PDE10A: variants seen among roughly 807,000 people sequenced by gnomAD.
PDE10A encodes the protein cAMP and cAMP-inhibited cGMP 3',5'-cyclic phosphodiesterase 10A.
Under a neutral mutation model 97.7 loss-of-function variants are expected in PDE10A, and 39 were observed. The ratio of observed to expected loss-of-function variants is 0.40; its 90% CI spans 0.31 to 0.52. PDE10A has a LOEUF of 0.52. PDE10A is among the 20% of genes least tolerant of loss of function. The pLI is 0.56. For synonymous variants in PDE10A, 371 were observed against 376.8 expected, an observed-to-expected ratio of 0.98 and a Z score of 0.18; for missense variants, 731 against 1,047.8, an observed-to-expected ratio of 0.70 and a Z score of 4.17.
chr6:165,950,174 T>C (rs1783908931), intron 1 of PDE10A, among the ~76,000 whole-genome samples: 1 of 152,186 alleles, frequency 6.6e-6, no homozygotes, highest in Non-Finnish European at 1.5e-5. Context: ...ATTTTAAATG[T>C]TTAAAATAAA....
intron 13 of PDE10A, among the ~76,000 whole-genome samples, chr6:165,404,933 T>A (rs1787002366): frequency 6.6e-6 from 1 of 152,132 alleles, no homozygotes; most frequent in Admixed American, 6.6e-5. Context: ...GACCTAATCG[T>A]GGGTGGAAGT....
At chr6:165,739,825 C>A (rs1203893349) in intron 1 of PDE10A, among the ~76,000 whole-genome samples, 1 of 152,152 alleles carries the variant, frequency 6.6e-6, no homozygotes, top group Non-Finnish European at 1.5e-5. Flanking sequence ...ATAGACATTT[C>A]TCAGAAGACA....
chr6:165,395,449 T>C (rs1562419253), intron 14 of PDE10A, among the ~76,000 whole-genome samples, 185 bp from the exon 15 acceptor site: 3 of 152,190 alleles, frequency 2.0e-5, no homozygotes, highest in Non-Finnish European at 1.5e-5. Context: ...CTAAACATAT[T>C]GCCTTAGAAA....
intron 4 of PDE10A, 44 bp from the exon 5 acceptor site, chr6:165,449,021 G>A (rs759858048): frequency 1.4e-6 from 2 of 1,436,098 alleles, no homozygotes; most frequent in South Asian, 2.3e-5. Flanking sequence ...CTCAGTGGGA[G>A]AATCTAACAT....
chr6:165,974,773 C>A (rs1205679603), intron 1 of PDE10A, among the ~76,000 whole-genome samples: 2 of 152,140 alleles, frequency 1.3e-5, no homozygotes, highest in Admixed American at 6.5e-5. Flanking sequence ...GAAACATTGG[C>A]AAGTTCCCTA....
intron 1 of PDE10A, among the ~76,000 whole-genome samples, chr6:165,943,795 T>C (rs752895707): frequency 6.6e-6 from 1 of 152,198 alleles, no homozygotes; most frequent in African/African-American, 2.4e-5. Flanking sequence ...GAAATAGTGA[T>C]TTTCCAGCAA....
chr6:165,975,641 T>C (rs891601108), intron 1 of PDE10A, among the ~76,000 whole-genome samples: 4 of 152,196 alleles, frequency 2.6e-5, no homozygotes, highest in Non-Finnish European at 5.9e-5. Flanking sequence ...AAATAAGAAA[T>C]TATCAGATGA....
chr6:165,933,070 A>T (rs1783192881), intron 1 of PDE10A, among the ~76,000 whole-genome samples: 1 of 152,214 alleles, frequency 6.6e-6, no homozygotes, highest in African/African-American at 2.4e-5. Context: ...GTTTGTGGAT[A>T]TGAAGACATT....
chr6:165,487,091 T>G (rs1779966449), intron 2 of PDE10A, among the ~76,000 whole-genome samples: 1 of 152,346 alleles, frequency 6.6e-6, no homozygotes, highest in Middle Eastern at 3.4e-3. Flanking sequence ...AAACTGACTC[T>G]CTGTGCTAGA....
intron 1 of PDE10A, among the ~76,000 whole-genome samples, chr6:165,740,140 T>C (rs374994573): frequency 2.0e-5 from 3 of 152,126 alleles, no homozygotes; most frequent in Admixed American, 6.6e-5. Context: ...AATCAGCACC[T>C]TGAAGAGATA....
intron 1 of PDE10A, among the ~76,000 whole-genome samples, chr6:165,701,684 C>T (rs576724992): frequency 0.011 from 1,399 of 129,126 alleles, 26 homozygotes; most frequent in African/African-American, 0.04. Flanking sequence ...TGTGTGTGTG[C>T]ATGTAAGTGT....
intron 1 of PDE10A, chr6:165,660,533 A>G (rs1486675553): frequency 1.3e-5 from 2 of 152,418 alleles, no homozygotes; most frequent in Non-Finnish European, 2.9e-5. Context: ...CGGGGTTGCA[A>G]GGAGCGGCCG....
chr6:165,434,379 C>T (rs2128239604), intron 6 of PDE10A, among the ~76,000 whole-genome samples: 1 of 152,178 alleles, frequency 6.6e-6, no homozygotes, highest in South Asian at 2.1e-4. Flanking sequence ...GGTTTCATGG[C>T]TCCTATTAGC....
chr6:165,432,347 T>C lies in PDE10A; in HGVS notation c.1491+627A>G, dbSNP rs888993457. On this transcript the variant is annotated intron_variant, in intron 7 of 21. Coordinates refer to ENST00000539869, the MANE Select transcript of PDE10A (RefSeq NM_001385079.1). ...CTGAAGGATGTGGCTGTGAGGGGGA[T>C]AAGTGGAGAGAAGAAAAAATGCAAA... 5.9e-5 allele frequency among the ~76,000 whole-genome samples: 9 copies of C among 152,038 alleles called. No individual in the cohort carries two copies. In the East Asian group the frequency reaches 1.7e-3, roughly 29 times the overall value.
Position 165,640,629 on chromosome 6 carries a change from C to T in PDE10A, c.865+21318G>A, listed in dbSNP as rs190023761. ...TTCCTCTACCTCTTCCCTTCTAAAC[C>T]TTCCTGTTCAGAAACGCGGAAACCA... On this transcript the variant is annotated intron_variant, in intron 1 of 21. Transcript: ENST00000539869. 1.4e-3 allele frequency among the ~76,000 whole-genome samples: 212 copies of T among 152,364 alleles called. 1 individual carries two copies. Among genetic ancestry groups the T allele is most frequent in the African/African-American group, 4.7e-3 (194 of 41,582 alleles).
chr6:165,341,637 C>T (rs1781978008), intron 19 of PDE10A, among the ~76,000 whole-genome samples: 1 of 152,156 alleles, frequency 6.6e-6, no homozygotes, highest in Non-Finnish European at 1.5e-5. Context: ...TGGCGGCAAC[C>T]ACAGCTGCAG....
chr6:165,485,698 T>C (rs1241713380), intron 2 of PDE10A, among the ~76,000 whole-genome samples: 3 of 150,494 alleles, frequency 2.0e-5, no homozygotes, highest in Admixed American at 6.7e-5. Context: ...GTTCAAGCAA[T>C]ACTCCTGCCT....
intron 2 of PDE10A, among the ~76,000 whole-genome samples, chr6:165,526,480 T>G (rs2128311815): frequency 6.6e-6 from 1 of 152,312 alleles, no homozygotes; most frequent in South Asian, 2.1e-4. Flanking sequence ...TTAGAGCTGC[T>G]TCTAGCTAGA....
chr6:165,811,589 G>C (rs1779284742), intron 1 of PDE10A, among the ~76,000 whole-genome samples: 1 of 152,160 alleles, frequency 6.6e-6, no homozygotes, highest in South Asian at 2.1e-4. Context: ...GGTCCTGTTG[G>C]ACTCCAGGAG....
Sources: allele counts gnomAD v4.1 joint callset (sites outside exome capture counted in the v4.1 genomes callset), GRCh38; gene constraint gnomAD v4.1.1; transcripts MANE v1.5; gene names NCBI Gene and HGNC (gene_info 2026-07-23, HGNC 2026-07-21).